URM1: variants seen among roughly 807,000 people sequenced by gnomAD.
URM1 encodes ubiquitin-related modifier 1.
Under a neutral mutation model 17.7 loss-of-function variants are expected in URM1, and 11 were observed. The ratio of observed to expected loss-of-function variants is 0.62; its 90% CI spans 0.39 to 1.03. URM1 has a LOEUF of 1.03. URM1 is among the 50% of genes least tolerant of loss of function. The probability of loss-of-function intolerance (pLI) is 0.00; values close to 1 mark genes in which losing one functional copy is unlikely to be tolerated. For synonymous variants in URM1, 48 were observed against 50.6 expected, an observed-to-expected ratio of 0.95 and a Z score of 0.22; for missense variants, 128 against 129.2, an observed-to-expected ratio of 0.99 and a Z score of 0.04.
chr9:128,371,510 A>C, intron 1 of URM1, 95 bp downstream of exon 1: 1 of 1,336,464 alleles, frequency 7.5e-7, no homozygotes, highest in Non-Finnish European at 1.1e-6. Context: ...CGGCCGAATC[A>C]CTGGGTGTCC....
At chr9:128,377,939 T>A in intron 1 of URM1, 97 bp from the exon 2 acceptor site, 1 of 1,322,056 alleles carries the variant, frequency 7.6e-7, no homozygotes, top group Non-Finnish European at 1.1e-6. Flanking sequence ...TCTCTCGGCC[T>A]TCATTACCAG....
At chr9:128,382,757 G>A (rs1015362694) in intron 2 of URM1, among the ~76,000 whole-genome samples, 4 of 152,198 alleles carry the variant, frequency 2.6e-5, no homozygotes, top group Non-Finnish European at 5.9e-5. Flanking sequence ...CAAGATCCAA[G>A]TATATACAAT....
chr9:128,383,104 C>T (rs370101525), intron 2 of URM1, among the ~76,000 whole-genome samples: 1 of 152,176 alleles, frequency 6.6e-6, no homozygotes, highest in South Asian at 2.1e-4. Flanking sequence ...ATGCATTTCA[C>T]AGCCTCTCTG....
At chr9:128,384,362 G>A (rs754061272) in intron 2 of URM1, among the ~76,000 whole-genome samples, 3 of 152,184 alleles carry the variant, frequency 2.0e-5, no homozygotes, top group Non-Finnish European at 4.4e-5. Flanking sequence ...TACAGACTCA[G>A]AGTGTCATTC....
intron 2 of URM1, among the ~76,000 whole-genome samples, chr9:128,386,586 C>T (rs1237322245): frequency 2.0e-5 from 3 of 152,234 alleles, no homozygotes; most frequent in Admixed American, 6.5e-5. Flanking sequence ...CGAGGGGGCA[C>T]GCGTGCCAGC....
intron 3 of URM1, 129 bp downstream of exon 3, chr9:128,388,026 C>A: frequency 1.4e-6 from 2 of 1,415,558 alleles, no homozygotes; most frequent in Non-Finnish European, 9.2e-7. Context: ...ACTCTTCCAG[C>A]TCTGAGATCT....
At chr9:128,381,193 C>G (rs1340678921) in intron 2 of URM1, among the ~76,000 whole-genome samples, 1 of 152,212 alleles carries the variant, frequency 6.6e-6, no homozygotes, top group Non-Finnish European at 1.5e-5. Flanking sequence ...CATCACTGTA[C>G]TAAGTTACTG....
At position 128,391,273 on chromosome 9, in the gene URM1, G is replaced by A. The variant is rs1449848103; in HGVS notation, c.*1539G>A. The A allele has an allele frequency of 6.6e-6, 1 of 152,324 alleles. No individual in the cohort carries two copies. The highest frequency in any genetic ancestry group is 2.4e-5 in the African/African-American group (1 of 41,450). The allele number at this position is 152,324 out of a possible 1,614,324, so 9.4% of individuals were successfully genotyped here. A position where few individuals can be genotyped will look rare whatever the true frequency, so the allele number is the denominator to read the frequency against. ...TGTCCCAGCAGTGTTGGGGGATGGG[G>A]TGTGCACATCATTCTTTTGGGGGTA... On this transcript the variant is annotated 3_prime_UTR_variant, in exon 5 of 5. Coordinates refer to ENST00000372853, the MANE Select transcript of URM1 (RefSeq NM_030914.4).
At chr9:128,380,329 G>T (rs543209444) in intron 2 of URM1, among the ~76,000 whole-genome samples, 4 of 152,150 alleles carry the variant, frequency 2.6e-5, no homozygotes, top group South Asian at 2.1e-4. Context: ...GGAGGCTGGG[G>T]GGGGGACACT....
intron 2 of URM1, among the ~76,000 whole-genome samples, chr9:128,385,100 G>A (rs533420580): frequency 1.3e-5 from 2 of 152,276 alleles, no homozygotes; most frequent in Admixed American, 6.5e-5. Context: ...GCCCCTACGG[G>A]AGCAGGCCCG....
chr9:128,384,875 T>G (rs1833206284), intron 2 of URM1, among the ~76,000 whole-genome samples: 1 of 152,060 alleles, frequency 6.6e-6, no homozygotes, highest in African/African-American at 2.4e-5. Context: ...GACTCCAGGG[T>G]CCATACTCTT....
chr9:128,380,331 G>A (rs1041214352), intron 2 of URM1, among the ~76,000 whole-genome samples: 1 of 152,140 alleles, frequency 6.6e-6, no homozygotes, highest in African/African-American at 2.4e-5. Context: ...AGGCTGGGGG[G>A]GGGACACTTA....
chr9:128,388,728 G>T, intron 3 of URM1: 1 of 987,044 alleles, frequency 1.0e-6, no homozygotes, highest in African/African-American at 1.7e-5. Context: ...GACTGCACGT[G>T]AGCATTGCCA....
rs1461404525 is a variant in URM1 at position 128,389,789 on chromosome 9, TCC to T, written c.*58_*59del. On this transcript the variant is annotated 3_prime_UTR_variant, in exon 5 of 5. Coordinates refer to ENST00000372853, the MANE Select transcript of URM1 (RefSeq NM_030914.4). ...GAGGGGAGAACGAAGCAATCAGACA[TCC>T]CCTTGGGCCCTGCTTCCAGGTCTCC... The T allele has an allele frequency of 6.2e-7, 1 of 1,610,122 alleles. No homozygotes were observed. Among genetic ancestry groups the T allele is most frequent in the Admixed American group, 1.7e-5 (1 of 59,808 alleles).
chr9:128,379,305 C>A (rs1180332882), intron 2 of URM1, among the ~76,000 whole-genome samples: 1 of 151,586 alleles, frequency 6.6e-6, no homozygotes, highest in Non-Finnish European at 1.5e-5. Flanking sequence ...CATGATGAAA[C>A]CCCGTCTCTA....
At chr9:128,373,313 G>C (rs1833036672) in intron 1 of URM1, among the ~76,000 whole-genome samples, 1 of 152,082 alleles carries the variant, frequency 6.6e-6, no homozygotes, top group Non-Finnish European at 1.5e-5. Context: ...GTTGATGCAC[G>C]TTTTTGCCCT....
intron 3 of URM1, chr9:128,388,885 G>T: frequency 9.7e-7 from 1 of 1,027,440 alleles, no homozygotes; most frequent in Non-Finnish European, 1.2e-6. Context: ...TGGTTACCAT[G>T]ACAGTGTGGC....
At chr9:128,374,922 GCT>G (rs1427529216) in intron 1 of URM1, among the ~76,000 whole-genome samples, 7 of 152,356 alleles carry the variant, frequency 4.6e-5, no homozygotes, top group Non-Finnish European at 8.8e-5. Context: ...TTGGCCAGGT[GCT>G]GGGACACAGA....
intron 1 of URM1, among the ~76,000 whole-genome samples, chr9:128,374,221 C>T (rs909029205): frequency 1.3e-5 from 2 of 152,152 alleles, no homozygotes; most frequent in African/African-American, 4.8e-5. Flanking sequence ...AAATGCCAAC[C>T]CCTCCCTTGA....
Sources: allele counts gnomAD v4.1 joint callset (sites outside exome capture counted in the v4.1 genomes callset), GRCh38; gene constraint gnomAD v4.1.1; transcripts MANE v1.5; gene names NCBI Gene and HGNC (gene_info 2026-07-23, HGNC 2026-07-21).